CLN5: variants seen among roughly 807,000 people sequenced by gnomAD.
CLN5 encodes bis(monoacylglycero)phosphate synthase CLN5.
Under a neutral mutation model 36.7 loss-of-function variants are expected in CLN5, and 34 were observed. The ratio of observed to expected loss-of-function variants is 0.93; its 90% CI spans 0.71 to 1.23. CLN5 has a LOEUF of 1.23. CLN5 is among the 50% of genes most tolerant of loss of function. CLN5 has a pLI of 0.00. For synonymous variants in CLN5, 151 were observed against 155.1 expected (o/e 0.97, Z 0.20); for missense variants, 427 against 439.4 (o/e 0.97, Z 0.25).
intron 1 of CLN5, 179 bp downstream of exon 1, chr13:76,992,450 C>T (rs1413238483): frequency 5.8e-6 from 4 of 689,422 alleles, no homozygotes; most frequent in Admixed American, 3.0e-5. Context: ...TGGGGAGTCG[C>T]AGCCGCTCGT....
In CLN5 at chr13:76,995,882, CA is replaced by C; in HGVS notation, c.340-19del. The C allele has an allele frequency of 1.9e-6, 3 of 1,598,194 alleles. No homozygotes were observed. Among genetic ancestry groups the C allele is most frequent in the Non-Finnish European group, 2.6e-6 (3 of 1,165,568 alleles). On this transcript the variant is annotated intron_variant, in intron 2 of 3. Transcript: ENST00000377453. ...TGGTTGTGTCACAGTTGCTTTTATA[CA>C]TGTACTGTCTTTACACAGAAAATTA...
rs753197537 is a variant in CLN5, at chr13:76,995,065, G to A, written c.176G>A (p.Arg59His). 2.4e-5 allele frequency: 39 copies of A among 1,613,254 alleles called. No individual in the cohort carries two copies. Among genetic ancestry groups the A allele is most frequent in the Admixed American group, 2.0e-4 (12 of 59,900 alleles). ...SRRHWPVPYK[R>H]FDFRPKPDPY... The stretch of plus-strand genomic sequence containing the variant: ...GATGGTTTCTTTTTCTTTATTAGGC[G>A]CTTTGACTTCCGTCCAAAACCTGAT... Residue 59 changes from arginine to histidine, a missense_variant and splice_region_variant, in exon 2 of 4, where the codon CGC (arginine) becomes CAC (histidine). Arg to His is a conservative substitution (Grantham distance 29, BLOSUM62 0). Transcript: ENST00000377453.
Position 77,000,677 on chromosome 13 carries a change from A to G in CLN5, c.785A>G (p.Tyr262Cys), listed in dbSNP as rs368551639. ...ACCAACTATACAAGAATATTTCTTT[A>G]CAGTGGAGAACCTACTTATCTGGGA... ...IETNYTRIFL[Y>C]SGEPTYLGNE... Residue 262 changes from tyrosine (Y) to cysteine (C), a missense_variant, in exon 4 of 4, where the codon TAC becomes TGC. Physicochemically the swap from Tyr to Cys is radical, Grantham distance 194. Transcript: ENST00000377453. 1.2e-6 allele frequency: 2 copies of G among 1,614,156 alleles called. No individual in the cohort carries two copies. Among genetic ancestry groups the G allele is most frequent in the Non-Finnish European group, 1.7e-6 (2 of 1,179,986 alleles).
At position 77,001,179 on chromosome 13, in the gene CLN5, G is replaced by A. The variant is rs557318652; in HGVS notation, c.*210G>A. On this transcript the variant is annotated 3_prime_UTR_variant, in exon 4 of 4. Coordinates refer to ENST00000377453, the MANE Select transcript of CLN5 (RefSeq NM_006493.4). ...TATATTGGCCAAAGTGAGCGAGTTA[G>A]GTGATCTTGGTTTCAATTTCCGAGC... The A allele has an allele frequency of 6.4e-5, 29 of 451,986 alleles. No homozygotes were observed. The South Asian group carries it at 7.3e-4, about 11-fold the overall frequency. The allele number at this position is 451,986 out of a possible 1,614,324, so 28.0% of individuals were successfully genotyped here.
chr13:76,992,652 TATTACCGCGGAACATTTGGTACA>T (rs1436589529), intron 1 of CLN5: 4 of 265,186 alleles, frequency 1.5e-5, no homozygotes, highest in Non-Finnish European at 2.9e-5. Flanking sequence ...TGTCGTTAGT[TATTACCGCGGAACATTTGGTACA>T]ATTTACTGGG....
At chr13:76,992,439 C>A in intron 1 of CLN5, 168 bp downstream of exon 1, 1 of 768,562 alleles carries the variant, frequency 1.3e-6, no homozygotes, top group Non-Finnish European at 2.0e-6. Context: ...AAGTTGAGGA[C>A]TGGGGAGTCG....
rs2034387412 is a variant in CLN5 at position 77,002,928 on chromosome 13, T to C, written c.*1959T>C. Reference sequence around the variant, plus strand: ...TTGGTCAACTGCAAATCAAAGAACTTGGTTATGCAGGGAAAACAAATGAGG... The same window carrying C: ...TTGGTCAACTGCAAATCAAAGAACTCGGTTATGCAGGGAAAACAAATGAGG... On this transcript the variant is annotated 3_prime_UTR_variant, in exon 4 of 4. Coordinates refer to ENST00000377453, the MANE Select transcript of CLN5 (RefSeq NM_006493.4). 1 of 152,214 alleles carries C rather than the reference T, an allele frequency of 6.6e-6. No homozygotes were observed. The highest frequency in any genetic ancestry group is 1.9e-4 in the East Asian group (1 of 5,200). 9.4% of individuals were successfully genotyped at this position (152,214 alleles called of 1,614,324 possible).
intron 3 of CLN5, 132 bp downstream of exon 3, chr13:76,996,259 A>AT (rs2034266783): frequency 3.8e-6 from 3 of 792,062 alleles, no homozygotes; most frequent in Admixed American, 2.6e-5. Context: ...TTTTGGAACC[A>AT]TTAAACTTTG....
chr13:76,993,463 A>C (rs574589277), intron 1 of CLN5: 1 of 152,314 alleles, frequency 6.6e-6, no homozygotes, highest in East Asian at 1.9e-4. Flanking sequence ...AAGAAGTCAA[A>C]ATTACTCAAT....
rs767222025 is a variant in CLN5, at chr13:76,995,974, C to A, written c.412C>A (p.Leu138Ile). ...GAACTACACAATGGAATGGTATGAA[C>A]TTTTCCAACTTGGCAACTGTACATT... ...GKNYTMEWYELFQLGNCTFPH... is the reference protein window; with the variant it reads ...GKNYTMEWYEIFQLGNCTFPH... Residue 138 changes from leucine (L) to isoleucine (I), a missense_variant, in exon 3 of 4, where the codon CTT (leucine) becomes ATT (isoleucine). Physicochemically the swap from Leu to Ile is conservative, Grantham distance 5. Coordinates refer to ENST00000377453, the MANE Select transcript of CLN5 (RefSeq NM_006493.4). 1.3e-5 allele frequency: 21 copies of A among 1,614,080 alleles called. No individual in the cohort carries two copies. Among genetic ancestry groups the A allele is most frequent in the Non-Finnish European group, 1.8e-5 (21 of 1,180,034 alleles).
chr13:76,992,827 G>T (rs1161105444), intron 1 of CLN5: 1 of 153,522 alleles, frequency 6.5e-6, no homozygotes, highest in Non-Finnish European at 1.5e-5. Flanking sequence ...GATTGTCACC[G>T]CTTTTGTCCA....
At chr13:76,996,163 C>A in intron 3 of CLN5, 36 bp downstream of exon 3, 1 of 1,482,034 alleles carries the variant, frequency 6.7e-7, no homozygotes, top group Non-Finnish European at 9.4e-7. Context: ...TTGATCATTG[C>A]ATCAAAAACC....
chr13:76,994,357 C>G (rs377633059), intron 1 of CLN5: 8 of 152,258 alleles, frequency 5.3e-5, no homozygotes, highest in African/African-American at 1.9e-4. Flanking sequence ...ACCTTCTAAT[C>G]AACTACATTA....
At chr13:76,994,667 T>C (rs1270530774) in intron 1 of CLN5, 1 of 173,964 alleles carries the variant, frequency 5.7e-6, no homozygotes, top group African/African-American at 2.4e-5. Flanking sequence ...TAAAATGTAT[T>C]CTGTTACTCA....
intron 3 of CLN5, chr13:76,997,805 T>G (rs2034293730): frequency 6.6e-6 from 1 of 152,216 alleles, no homozygotes; most frequent in Admixed American, 6.5e-5. Context: ...TGATAAAACA[T>G]TTTGTACAAT....
Position 77,003,690 on chromosome 13 carries a change from C to T in CLN5, c.*2721C>T, listed in dbSNP as rs1342353446. 6.6e-6 allele frequency: 1 copy of T among 152,178 alleles called. No individual in the cohort carries two copies. The highest frequency in any genetic ancestry group is 2.4e-5 in the African/African-American group (1 of 41,444). 9.4% of individuals were successfully genotyped at this position (152,178 alleles called of 1,614,324 possible). A position where few individuals can be genotyped will look rare whatever the true frequency, so the allele number is the denominator to read the frequency against. On this transcript the variant is annotated 3_prime_UTR_variant, in exon 4 of 4. Coordinates refer to ENST00000377453, the MANE Select transcript of CLN5 (RefSeq NM_006493.4). ...GGGTGCGGTGGCTTATGCCTGTAAT[C>T]CTAACACATACTTTGGGAGGCCAAG...
chr13:76,997,017 T>C (rs980886219), intron 3 of CLN5: 1 of 152,138 alleles, frequency 6.6e-6, no homozygotes, highest in African/African-American at 2.4e-5. Flanking sequence ...CGGTATTACA[T>C]TGTGGTTTTG....
chr13:76,996,413 C>T (rs1490800638), intron 3 of CLN5: 2 of 396,016 alleles, frequency 5.1e-6, no homozygotes, highest in Non-Finnish European at 9.4e-6. Context: ...GAGCAGTGTA[C>T]ACTGTACCCA....
chr13:76,995,308 A>G lies in CLN5; in HGVS notation c.339+80A>G, dbSNP rs151120510. On this transcript the variant is annotated intron_variant, in intron 2 of 3. Coordinates refer to ENST00000377453, the MANE Select transcript of CLN5 (RefSeq NM_006493.4). ...AGTTGATTTTTAAGGAGTAATCACT[A>G]TTTAGATGGCTGACTTTAGATCATG... is the stretch of plus-strand genomic sequence containing the variant. The G allele has an allele frequency of 5.6e-5, 70 of 1,256,478 alleles. No individual in the cohort carries two copies. In the East Asian group the frequency reaches 1.5e-3, roughly 27 times the overall value. The allele number at this position is 1,256,478 out of a possible 1,614,324, so 77.8% of individuals were successfully genotyped here.
Sources: allele counts gnomAD v4.1 joint callset, GRCh38; gene constraint gnomAD v4.1.1; transcripts MANE v1.5; gene names NCBI Gene and HGNC (gene_info 2026-07-23, HGNC 2026-07-21).